The following ADGRE1 variants were observed in gnomAD, a reference collection of about 807,000 sequenced individuals.
The protein encoded by ADGRE1 is adhesion G protein-coupled receptor E1.
Under a neutral mutation model 102.7 loss-of-function variants are expected in ADGRE1, and 82 were observed. The observed-to-expected ratio is 0.80, with a 90% CI of 0.67 to 0.96. ADGRE1 has a LOEUF of 0.96. ADGRE1 is among the 40% of genes least tolerant of loss of function. The pLI, the probability that ADGRE1 is intolerant of heterozygous loss-of-function variation, is 0.00. For missense variants in ADGRE1, 1,032 were observed against 1,085.3 expected (o/e 0.95, Z 0.69); for synonymous variants, 398 against 399.6 (o/e 1.00, Z 0.05).
At chr19:6,891,947 G>A (rs921256980) in intron 2 of ADGRE1, among the ~76,000 whole-genome samples, 3 of 152,102 alleles carry the variant, frequency 2.0e-5, no homozygotes, top group Admixed American at 6.6e-5. Flanking sequence ...AGGACCGAGC[G>A]AAGGTGAGTG....
intron 20 of ADGRE1, among the ~76,000 whole-genome samples, chr19:6,939,616 T>C (rs1975587230): frequency 6.6e-6 from 1 of 152,162 alleles, no homozygotes; most frequent in Admixed American, 6.5e-5. Context: ...CATGACTATG[T>C]TCAAGTCAAG....
chr19:6,910,570 C>CTTTTTT (rs11303491), intron 10 of ADGRE1, among the ~76,000 whole-genome samples: 5 of 112,682 alleles, frequency 4.4e-5, no homozygotes, highest in Non-Finnish European at 6.8e-5. Context: ...TGTTCCAACT[C>CTTTTTT]TTTTTTTTTT....
chr19:6,915,560 C>T (rs1234478408), intron 11 of ADGRE1, among the ~76,000 whole-genome samples: 2 of 152,142 alleles, frequency 1.3e-5, no homozygotes, highest in African/African-American at 2.4e-5. Context: ...CATCTGACTA[C>T]AGAACCTGAG....
intron 14 of ADGRE1, among the ~76,000 whole-genome samples, chr19:6,922,353 T>C (rs1225376690): frequency 2.0e-5 from 3 of 152,014 alleles, no homozygotes; most frequent in Non-Finnish European, 2.9e-5. Context: ...TGGTGGCTCA[T>C]GCCTGTCATC....
At chr19:6,925,139 G>A (rs1974844124) in intron 15 of ADGRE1, among the ~76,000 whole-genome samples, 1 of 152,204 alleles carries the variant, frequency 6.6e-6, no homozygotes, top group African/African-American at 2.4e-5. Context: ...GTTTGTTTTT[G>A]ATACTGAGTT....
At chr19:6,895,138 C>T (rs1425571488) in intron 2 of ADGRE1, 9 of 152,224 alleles carry the variant, frequency 5.9e-5, no homozygotes, top group African/African-American at 1.9e-4. Flanking sequence ...CAATCTTAGG[C>T]GTGAGCCTCA....
intron 2 of ADGRE1, among the ~76,000 whole-genome samples, chr19:6,892,746 G>A (rs1568334584): frequency 6.6e-6 from 1 of 152,214 alleles, no homozygotes. Context: ...TGAACTCAAT[G>A]TGGTCTGCAT....
Position 6,908,643 on chromosome 19 carries a change from C to T in ADGRE1, c.1039-46C>T, listed in dbSNP as rs749357068. 38 of 1,477,754 alleles carry T rather than the reference C, an allele frequency of 2.6e-5. No homozygotes were observed. The Admixed American group carries it at 4.1e-4, about 16-fold the overall frequency. The allele number at this position is 1,477,754 out of a possible 1,614,324, so 91.5% of individuals were successfully genotyped here. On this transcript the variant is annotated intron_variant, in intron 9 of 20. Coordinates refer to ENST00000312053, the MANE Select transcript of ADGRE1 (RefSeq NM_001974.5). The stretch of plus-strand genomic sequence containing the variant: ...AGATTACATGCTTGGGGGAATACAT[C>T]GATTCATGCTCACAAATGCTCTTTT...
intron 1 of ADGRE1, among the ~76,000 whole-genome samples, 191 bp downstream of exon 1, chr19:6,887,830 T>C (rs1973206122): frequency 6.6e-6 from 1 of 152,196 alleles, no homozygotes; most frequent in Non-Finnish European, 1.5e-5. Context: ...GATAGATTTT[T>C]CTCTATAGTC....
intron 13 of ADGRE1, among the ~76,000 whole-genome samples, chr19:6,920,380 C>T (rs895127073): frequency 7.9e-5 from 12 of 151,760 alleles, no homozygotes; most frequent in African/African-American, 2.2e-4. Flanking sequence ...CCACCATGAC[C>T]GGCTAATTTT....
At chr19:6,898,366 A>T in intron 5 of ADGRE1, 1 of 1,598,110 alleles carries the variant, frequency 6.3e-7, no homozygotes, top group Non-Finnish European at 8.6e-7. Context: ...CTGCAAAAAC[A>T]TGTCAGGGAG....
intron 13 of ADGRE1, among the ~76,000 whole-genome samples, 168 bp downstream of exon 13, chr19:6,919,915 C>A (rs992742045): frequency 6.6e-6 from 1 of 152,142 alleles, no homozygotes; most frequent in Non-Finnish European, 1.5e-5. Flanking sequence ...GGAATGAGGT[C>A]TCCCACTGTC....
chr19:6,926,808 G>T (rs931006011), intron 16 of ADGRE1, among the ~76,000 whole-genome samples: 2 of 150,942 alleles, frequency 1.3e-5, no homozygotes, highest in Non-Finnish European at 2.9e-5. Context: ...ACTATTTGAG[G>T]TTTATGTTCC....
rs762814050 is a variant in ADGRE1 at position 6,901,856 on chromosome 19, T to C, written c.515-19T>C. The C allele has an allele frequency of 6.2e-7, 1 of 1,612,874 alleles. No homozygotes were observed. Among genetic ancestry groups the C allele is most frequent in the Non-Finnish European group, 8.5e-7 (1 of 1,179,010 alleles). ...CTTTCTCATTTACCTTGACCTGGGT[T>C]TTCTCTTCCACTCTTCAGACGTGGA... On this transcript the variant is annotated intron_variant, in intron 5 of 20. Coordinates refer to ENST00000312053, the MANE Select transcript of ADGRE1 (RefSeq NM_001974.5).
chr19:6,920,365 G>A (rs1277387854), intron 13 of ADGRE1, among the ~76,000 whole-genome samples: 1 of 151,112 alleles, frequency 6.6e-6, no homozygotes, highest in Non-Finnish European at 1.5e-5. Context: ...GATTACAGGC[G>A]CCCGCCACCA....
Position 6,937,276 on chromosome 19 carries a change from C to T in ADGRE1, c.2415C>T (p.Phe805=). ...LLTFKAFAQL[F]ILGCSWVLGI... ...CCTTCAAGGCCTTTGCCCAGCTCTT[C>T]ATCCTGGGCTGCTCCTGGGTGCTGG... Residue 805 remains phenylalanine (F), a synonymous_variant, in exon 19 of 21, where the codon TTC becomes TTT. Transcript: ENST00000312053. 1 of 1,614,136 alleles carries T rather than the reference C, an allele frequency of 6.2e-7. No homozygotes were observed. Among genetic ancestry groups the T allele is most frequent in the South Asian group, 1.1e-5 (1 of 91,084 alleles).
chr19:6,911,852 T>C (rs1974204423), intron 10 of ADGRE1, among the ~76,000 whole-genome samples: 1 of 147,946 alleles, frequency 6.8e-6, no homozygotes, highest in African/African-American at 2.5e-5. Flanking sequence ...CCCACACACA[T>C]TTACACACAT....
Position 6,940,314 on chromosome 19 carries a change from A to T in ADGRE1, c.*285A>T, listed in dbSNP as rs1381445446. On this transcript the variant is annotated 3_prime_UTR_variant, in exon 21 of 21. Transcript: ENST00000312053. Reference sequence around the variant, plus strand: ...CCCAAATTCAATGGCATGACCAAGAACACCTGGCTACCATTTTGTTTTCTC... The same window carrying T: ...CCCAAATTCAATGGCATGACCAAGATCACCTGGCTACCATTTTGTTTTCTC... 5 of 527,708 alleles carry T rather than the reference A, an allele frequency of 9.5e-6. No homozygotes were observed. The East Asian group carries it at 1.7e-4, about 17-fold the overall frequency. The allele number at this position is 527,708 out of a possible 1,614,324, so 32.7% of individuals were successfully genotyped here.
chr19:6,909,900 A>G (rs1006164440), intron 10 of ADGRE1, among the ~76,000 whole-genome samples: 26 of 151,852 alleles, frequency 1.7e-4, no homozygotes, highest in Admixed American at 2.0e-4. Context: ...ATGCCCGGCT[A>G]ATTTTGTATT....
Sources: allele counts gnomAD v4.1 joint callset (sites outside exome capture counted in the v4.1 genomes callset), GRCh38; gene constraint gnomAD v4.1.1; transcripts MANE v1.5; gene names NCBI Gene and HGNC (gene_info 2026-07-23, HGNC 2026-07-21).